SORL1: variants seen among roughly 807,000 people sequenced by gnomAD.
The protein encoded by SORL1 is sortilin related receptor 1.
In SORL1, 127 loss-of-function variants were observed where a neutral mutation model predicts 273.7. The observed-to-expected ratio is 0.46, with a 90% confidence interval of 0.40 to 0.54. The LOEUF (loss-of-function observed/expected upper bound fraction) is 0.54, where lower values mean the gene tolerates loss of function less well. Ranked by LOEUF, SORL1 falls within the 20% of genes least tolerant of loss-of-function variation. The pLI, the probability that SORL1 is intolerant of heterozygous loss-of-function variation, is 0.00. For missense variants in SORL1, 2,494 were observed against 2,846.1 expected (o/e 0.88, Z 2.81); for synonymous variants, 1,031 against 1,067.4 (o/e 0.97, Z 0.66).
chr11:121,493,991 A>G (rs935063033), intron 5 of SORL1, among the ~76,000 whole-genome samples: 2 of 152,186 alleles, frequency 1.3e-5, no homozygotes, highest in Non-Finnish European at 2.9e-5. Context: ...TGAAATTATA[A>G]CCACAGTCTC....
intron 24 of SORL1, among the ~76,000 whole-genome samples, chr11:121,574,649 C>T (rs1438023481): frequency 2.6e-5 from 4 of 152,122 alleles, no homozygotes; most frequent in Non-Finnish European, 4.4e-5. Flanking sequence ...TTCCCATTAA[C>T]TCTGGATCAA....
chr11:121,470,693 GA>G (rs1861154707), intron 2 of SORL1, among the ~76,000 whole-genome samples: 1 of 150,086 alleles, frequency 6.7e-6, no homozygotes, highest in South Asian at 2.1e-4. Context: ...TTTTTTTTTT[GA>G]GTTGGGGTCT....
chr11:121,528,728 A>G (rs1356858194), intron 11 of SORL1, among the ~76,000 whole-genome samples: 1 of 152,234 alleles, frequency 6.6e-6, no homozygotes, highest in Non-Finnish European at 1.5e-5. Flanking sequence ...GTCAGAGAAG[A>G]CACTTTGTAT....
intron 30 of SORL1, 68 bp downstream of exon 30, chr11:121,590,242 G>T: frequency 6.6e-7 from 1 of 1,505,918 alleles, no homozygotes; most frequent in South Asian, 1.2e-5. Flanking sequence ...CACCAGCTAT[G>T]CAGGATGTGC....
At position 121,513,010 on chromosome 11, in the gene SORL1, T is replaced by C; in HGVS notation, c.947T>C (p.Leu316Ser). Reference sequence around the variant, plus strand: ...TCTCCTCTTCCTTGGCAGCATCTCTTGGGCAGTGAACAGCAGTCTTCTGTC... The same window carrying C: ...TCTCCTCTTCCTTGGCAGCATCTCTCGGGCAGTGAACAGCAGTCTTCTGTC... ...YMFATKVVHL[L>S]GSEQQSSVQL... The change falls in exon 7 of 48, where the codon TTG (leucine) becomes TCG (serine). Residue 316 changes from leucine (L) to serine (S), a missense_variant. Physicochemically the swap from Leu to Ser is moderately radical, Grantham distance 145 (BLOSUM62 -2). Around this residue, in one of 3 missense-constraint regions of SORL1, gnomAD observed 710 missense variants for 882.5 expected, o/e 0.80. Coordinates refer to ENST00000260197, the MANE Select transcript of SORL1 (RefSeq NM_003105.6). The C allele has an allele frequency of 6.2e-7, 1 of 1,613,700 alleles. No individual in the cohort carries two copies. Among genetic ancestry groups the C allele is most frequent in the South Asian group, 1.1e-5 (1 of 91,072 alleles).
chr11:121,520,555 A>G (rs1591309965), intron 8 of SORL1, 102 bp from the exon 9 acceptor site: 2 of 736,398 alleles, frequency 2.7e-6, no homozygotes, highest in East Asian at 5.7e-5. Flanking sequence ...AATGTGCTTA[A>G]TGCCACAAAA....
At chr11:121,612,119 A>C (rs1863573059) in intron 39 of SORL1, 2 of 152,552 alleles carry the variant, frequency 1.3e-5, no homozygotes, top group Admixed American at 1.3e-4. Context: ...CAGCCTGGGC[A>C]ACAGAGTGAG....
intron 31 of SORL1, among the ~76,000 whole-genome samples, chr11:121,593,817 C>A (rs1270181178): frequency 6.6e-6 from 1 of 152,166 alleles, no homozygotes; most frequent in Non-Finnish European, 1.5e-5. Flanking sequence ...TCAGGATTTC[C>A]TTTACCTCCA....
chr11:121,491,266 T>C (rs542712373), intron 5 of SORL1, among the ~76,000 whole-genome samples: 1 of 152,286 alleles, frequency 6.6e-6, no homozygotes, highest in Admixed American at 6.5e-5. Context: ...CCCTGTAGTT[T>C]TGTGAGAAGA....
At chr11:121,535,582 G>A (rs1286572162) in intron 12 of SORL1, among the ~76,000 whole-genome samples, 1 of 152,106 alleles carries the variant, frequency 6.6e-6, no homozygotes, top group Non-Finnish European at 1.5e-5. Flanking sequence ...TCATCTTTAG[G>A]GAGGGAAGCC....
chr11:121,545,873 C>G (rs754703947), intron 14 of SORL1, among the ~76,000 whole-genome samples: 33 of 152,148 alleles, frequency 2.2e-4, no homozygotes, highest in Non-Finnish European at 4.4e-4. Flanking sequence ...ATCCAAGGCA[C>G]TGCTGCGAAT....
chr11:121,628,129 A>G (rs1863825406), intron 47 of SORL1, among the ~76,000 whole-genome samples: 1 of 152,190 alleles, frequency 6.6e-6, no homozygotes, highest in Non-Finnish European at 1.5e-5. Context: ...AAGATAAAAA[A>G]TAATGCTTTC....
chr11:121,583,416 G>A, intron 25 of SORL1, 42 bp from the exon 26 acceptor site: 1 of 1,580,388 alleles, frequency 6.3e-7, no homozygotes, highest in Non-Finnish European at 8.6e-7. Flanking sequence ...GTGGGGGATG[G>A]AGATGAGGGG....
rs1863733225 is a variant in SORL1, at chr11:121,622,202, A to T, written c.6105A>T (p.Glu2035Asp). 6.2e-7 allele frequency: 1 copy of T among 1,612,582 alleles called. No individual in the cohort carries two copies. Among genetic ancestry groups the T allele is most frequent in the Non-Finnish European group, 8.5e-7 (1 of 1,179,296 alleles). Residue 2035 changes from glutamate to aspartate, a missense_variant, in exon 45 of 48, where the codon GAA becomes GAT. Coordinates refer to ENST00000260197, the MANE Select transcript of SORL1 (RefSeq NM_003105.6). ...CTGATGCCTTAAAAATCATAACAGA[A>T]AATGATCATGTTCTTCTGTTTTGGA... ...SAPDALKIITENDHVLLFWKS... is the reference protein window; with the variant it reads ...SAPDALKIITDNDHVLLFWKS...
chr11:121,537,648 A>G (rs1565328289), intron 12 of SORL1, among the ~76,000 whole-genome samples: 1 of 152,184 alleles, frequency 6.6e-6, no homozygotes. Context: ...GCCATCTGTG[A>G]TAGACAATCT....
At chr11:121,584,876 G>A (rs1057489927) in intron 26 of SORL1, among the ~76,000 whole-genome samples, 1 of 152,182 alleles carries the variant, frequency 6.6e-6, no homozygotes, top group Non-Finnish European at 1.5e-5. Context: ...TTATAGGCAC[G>A]AGCCACTGCG....
rs769895193 is a variant in SORL1, at chr11:121,545,410, A to T, written c.2032A>T (p.Thr678Ser). The change falls in exon 14 of 48, where the codon ACC (threonine) becomes TCC (serine). Residue 678 changes from threonine to serine, a missense_variant. By Grantham distance (58) the Thr-to-Ser change is moderately conservative (BLOSUM62 1). Around this residue, in one of 3 missense-constraint regions of SORL1, gnomAD observed 710 missense variants for 882.5 expected, o/e 0.80. Transcript: ENST00000260197. ...RPVVVSNCSC[T>S]REDYECDFGF... ...GGTGGTCGTGTCCAACTGCTCCTGC[A>T]CCCGGGAGGACTATGAGTGGTCAGT... 6.2e-7 allele frequency: 1 copy of T among 1,613,874 alleles called. No homozygotes were observed. The highest frequency in any genetic ancestry group is 1.3e-5 in the African/African-American group (1 of 74,852).
chr11:121,542,250 T>C (rs1194552441), intron 12 of SORL1, among the ~76,000 whole-genome samples: 2 of 152,252 alleles, frequency 1.3e-5, no homozygotes, highest in Non-Finnish European at 1.5e-5. Flanking sequence ...GTATGACTTA[T>C]AGACTATATT....
intron 8 of SORL1, among the ~76,000 whole-genome samples, chr11:121,519,301 C>T (rs147374088): frequency 0.015 from 2,248 of 152,204 alleles, 26 homozygotes; most frequent in Non-Finnish European, 0.026. Context: ...CTCAGAGATC[C>T]GCTCTATTTG....
Sources: allele counts gnomAD v4.1 joint callset (sites outside exome capture counted in the v4.1 genomes callset), GRCh38; gene constraint gnomAD v4.1.1; regional missense constraint gnomAD v4.1.1; transcripts MANE v1.5; gene names NCBI Gene and HGNC (gene_info 2026-07-23, HGNC 2026-07-21).